The following NAALADL2 variants were observed in gnomAD, a reference collection of about 807,000 sequenced individuals.
NAALADL2 encodes inactive N-acetylated-alpha-linked acidic dipeptidase-like protein 2.
Under a neutral mutation model 87.2 loss-of-function variants are expected in NAALADL2, and 76 were observed. That is an observed-to-expected ratio of 0.87 (90% CI 0.72 to 1.05). The LOEUF is 1.05. NAALADL2 is among the 50% of genes least tolerant of loss of function. NAALADL2 has a pLI of 0.00. For synonymous variants in NAALADL2, 354 were observed against 331.0 expected (o/e 1.07, Z -0.75); for missense variants, 1,089 against 945.8 (o/e 1.15, Z -1.99).
chr3:175,357,264 G>C (rs1764485555), intron 5 of NAALADL2, among the ~76,000 whole-genome samples: 1 of 152,168 alleles, frequency 6.6e-6, no homozygotes, highest in African/African-American at 2.4e-5. Context: ...TGGAGGAAAA[G>C]TGACAGGCTA....
chr3:174,625,029 T>A (rs1721411166), intron 2 of NAALADL2, among the ~76,000 whole-genome samples: 1 of 148,104 alleles, frequency 6.8e-6, no homozygotes. Context: ...GTCCTCAGAA[T>A]TCTATTTATT....
intron 13 of NAALADL2, among the ~76,000 whole-genome samples, chr3:175,798,095 C>CA (rs555011367): frequency 8.1e-4 from 122 of 151,274 alleles, no homozygotes; most frequent in Non-Finnish European, 1.2e-3. Flanking sequence ...TTTCAGCACA[C>CA]AAAAAAAACT....
intron 13 of NAALADL2, among the ~76,000 whole-genome samples, chr3:175,759,705 T>C (rs1482903110): frequency 6.6e-6 from 1 of 152,120 alleles, no homozygotes; most frequent in Admixed American, 6.6e-5. Flanking sequence ...CATGAGGGAA[T>C]GATAGTATGC....
chr3:175,784,201 A>G (rs202105005), intron 13 of NAALADL2, among the ~76,000 whole-genome samples: 2 of 145,582 alleles, frequency 1.4e-5, no homozygotes, highest in East Asian at 2.0e-4. Flanking sequence ...TTGGTATCAG[A>G]ATGATGCTGG....
intron 4 of NAALADL2, among the ~76,000 whole-genome samples, chr3:175,266,310 T>G (rs1276388689): frequency 1.3e-5 from 2 of 151,272 alleles, no homozygotes; most frequent in African/African-American, 4.8e-5. Flanking sequence ...AACACAAAAT[T>G]TTAATCAATA....
At chr3:174,472,183 A>G (rs1716946057) in intron 1 of NAALADL2, among the ~76,000 whole-genome samples, 1 of 152,204 alleles carries the variant, frequency 6.6e-6, no homozygotes, top group African/African-American at 2.4e-5. Context: ...TTCATGTAAG[A>G]CAGACATGTA....
intron 13 of NAALADL2, among the ~76,000 whole-genome samples, chr3:175,786,991 C>T (rs2150240071): frequency 6.6e-6 from 1 of 152,094 alleles, no homozygotes; most frequent in South Asian, 2.1e-4. Flanking sequence ...TCAGAGTGCC[C>T]CTGCTGGGGG....
At chr3:175,230,678 C>A (rs749377273) in intron 2 of NAALADL2, among the ~76,000 whole-genome samples, 3 of 151,902 alleles carry the variant, frequency 2.0e-5, no homozygotes, top group Non-Finnish European at 2.9e-5. Context: ...TACTTCTGAG[C>A]TAAACACATA....
At chr3:174,800,306 T>C (rs546531949) in intron 3 of NAALADL2, among the ~76,000 whole-genome samples, 57 of 152,212 alleles carry the variant, frequency 3.7e-4, no homozygotes, top group South Asian at 6.2e-4. Flanking sequence ...CTGTGCTGTA[T>C]GCAGTCTAGG....
chr3:175,188,893 C>A (rs1431502859), intron 2 of NAALADL2, among the ~76,000 whole-genome samples: 1 of 150,588 alleles, frequency 6.6e-6, no homozygotes, highest in Non-Finnish European at 1.5e-5. Context: ...CTCCAGGACC[C>A]AAGCCCGAGA....
intron 4 of NAALADL2, among the ~76,000 whole-genome samples, chr3:175,273,019 CTT>C (rs1476180460): frequency 1.3e-5 from 2 of 151,938 alleles, no homozygotes; most frequent in Admixed American, 6.6e-5. Flanking sequence ...TATATTTAAT[CTT>C]GAGTATTTTT....
chr3:175,229,076 T>C (rs1282276210), intron 2 of NAALADL2, among the ~76,000 whole-genome samples: 1 of 151,890 alleles, frequency 6.6e-6, no homozygotes, highest in Admixed American at 6.6e-5. Flanking sequence ...TAATATGCAT[T>C]CATAAAACAG....
chr3:174,866,375 C>T (rs1248188800), intron 1 of NAALADL2, among the ~76,000 whole-genome samples: 3 of 151,694 alleles, frequency 2.0e-5, no homozygotes, highest in Non-Finnish European at 4.4e-5. Context: ...GTCACAAAAA[C>T]ATTTCTGCAG....
intron 1 of NAALADL2, among the ~76,000 whole-genome samples, chr3:174,493,852 G>C (rs1718359342): frequency 6.6e-6 from 1 of 152,186 alleles, no homozygotes. Flanking sequence ...GAAGAGATCA[G>C]ATTCTAATGA....
chr3:175,309,265 A>T (rs60128372), intron 4 of NAALADL2, among the ~76,000 whole-genome samples: 7,648 of 152,056 alleles, frequency 0.05, 503 homozygotes, highest in African/African-American at 0.16. Flanking sequence ...AACTCACTGT[A>T]ACCTCTACCT....
At chr3:174,970,734 C>A (rs1272549282) in intron 1 of NAALADL2, among the ~76,000 whole-genome samples, 2 of 152,100 alleles carry the variant, frequency 1.3e-5, no homozygotes, top group African/African-American at 4.8e-5. Context: ...GGTTAATGAG[C>A]ATACTAGGCT....
intron 2 of NAALADL2, among the ~76,000 whole-genome samples, chr3:175,136,151 G>A (rs953175633): frequency 6.6e-5 from 10 of 152,132 alleles, no homozygotes; most frequent in African/African-American, 2.4e-4. Context: ...CAGTGCTTCT[G>A]GTTTCTGAAG....
At chr3:174,515,685 T>G (rs1345256172) in intron 1 of NAALADL2, among the ~76,000 whole-genome samples, 1 of 145,976 alleles carries the variant, frequency 6.9e-6, no homozygotes, top group Non-Finnish European at 1.5e-5. Context: ...GAACTGACAA[T>G]TGGAAAAAAA....
intron 13 of NAALADL2, among the ~76,000 whole-genome samples, chr3:175,795,873 G>T (rs1316043687): frequency 6.6e-6 from 1 of 151,736 alleles, no homozygotes; most frequent in African/African-American, 2.4e-5. Flanking sequence ...TTAGCTGGGT[G>T]GTTCTTCTGG....
Sources: allele counts gnomAD v4.1 joint callset (sites outside exome capture counted in the v4.1 genomes callset), GRCh38; gene constraint gnomAD v4.1.1; transcripts MANE v1.5; gene names NCBI Gene and HGNC (gene_info 2026-07-23, HGNC 2026-07-21).